The following LSAMP variants were observed in gnomAD, a reference collection of about 807,000 sequenced individuals.
The protein encoded by LSAMP is limbic system associated membrane protein.
Under a neutral mutation model 38.6 loss-of-function variants are expected in LSAMP, and 7 were observed. That is an observed-to-expected ratio of 0.18 (90% CI 0.10 to 0.34). The LOEUF (loss-of-function observed/expected upper bound fraction) is 0.34. LSAMP is among the 10% of genes least tolerant of loss of function. LSAMP has a pLI of 1.00. For missense variants in LSAMP, 313 were observed against 420.0 expected, an observed-to-expected ratio of 0.75 and a Z score of 2.23; for synonymous variants, 154 against 166.8, an observed-to-expected ratio of 0.92 and a Z score of 0.59.
At chr3:116,257,139 G>A (rs997885806) in intron 1 of LSAMP, among the ~76,000 whole-genome samples, 1 of 152,146 alleles carries the variant, frequency 6.6e-6, no homozygotes, top group Admixed American at 6.5e-5. Flanking sequence ...ATGCCCTTCA[G>A]CCTTAGATCT....
intron 1 of LSAMP, among the ~76,000 whole-genome samples, chr3:116,244,747 T>C (rs1439942625): frequency 6.6e-6 from 1 of 152,234 alleles, no homozygotes; most frequent in East Asian, 1.9e-4. Context: ...ATTTATTTAT[T>C]GCTGACACAT....
chr3:116,133,148 G>A (rs907023672), intron 1 of LSAMP, among the ~76,000 whole-genome samples: 1 of 152,140 alleles, frequency 6.6e-6, no homozygotes, highest in South Asian at 2.1e-4. Context: ...GCTATAGGCA[G>A]GACAAAAGAT....
Position 116,036,011 on chromosome 3 carries a change from G to C in LSAMP, c.389-16371C>G, listed in dbSNP as rs111563888. Among the ~76,000 whole-genome samples the C allele has an allele frequency of 5.5e-3, 840 of 152,286 alleles. 3 individuals are homozygous for C. The highest frequency in any genetic ancestry group is 0.014 in the Middle Eastern group (4 of 294). On this transcript the variant is annotated intron_variant, in intron 2 of 6. Coordinates refer to ENST00000490035, the MANE Select transcript of LSAMP (RefSeq NM_002338.5). Reference sequence around the variant, plus strand: ...GTCACAGCGACTGTGGTGGATACACGATCAAGAAGGCATAGCTGCTACGTA... The same window carrying C: ...GTCACAGCGACTGTGGTGGATACACCATCAAGAAGGCATAGCTGCTACGTA...
chr3:115,962,397 T>C (rs1471530051), intron 3 of LSAMP, among the ~76,000 whole-genome samples: 1 of 152,188 alleles, frequency 6.6e-6, no homozygotes, highest in African/African-American at 2.4e-5. Flanking sequence ...TCTTTTATTA[T>C]ACAATTTGAG....
chr3:116,162,451 A>G (rs988906036), intron 1 of LSAMP, among the ~76,000 whole-genome samples: 1 of 152,140 alleles, frequency 6.6e-6, no homozygotes, highest in Non-Finnish European at 1.5e-5. Context: ...GACTCAGCAC[A>G]TACATTTGTT....
At chr3:115,962,499 C>T (rs1400594727) in intron 3 of LSAMP, among the ~76,000 whole-genome samples, 1 of 152,178 alleles carries the variant, frequency 6.6e-6, no homozygotes, top group Admixed American at 6.5e-5. Context: ...TGATCAATTA[C>T]TACCTTGTAA....
chr3:116,122,318 G>A (rs902442927), intron 1 of LSAMP, among the ~76,000 whole-genome samples: 21 of 152,014 alleles, frequency 1.4e-4, no homozygotes, highest in Non-Finnish European at 2.4e-4. Context: ...TGTTGATGAT[G>A]GTAATTACCA....
intron 2 of LSAMP, among the ~76,000 whole-genome samples, chr3:116,072,562 TAA>T (rs1707633575): frequency 6.6e-6 from 1 of 152,170 alleles, no homozygotes; most frequent in Non-Finnish European, 1.5e-5. Context: ...TAGCATCTGT[TAA>T]GTTTCTTAAC....
At chr3:115,887,340 CT>C (rs1170337429) in intron 3 of LSAMP, among the ~76,000 whole-genome samples, 1 of 151,684 alleles carries the variant, frequency 6.6e-6, no homozygotes, top group Non-Finnish European at 1.5e-5. Context: ...GTAAGAACAG[CT>C]GTAATTTTTA....
At chr3:116,048,422 G>A (rs1024342062) in intron 2 of LSAMP, among the ~76,000 whole-genome samples, 1 of 152,164 alleles carries the variant, frequency 6.6e-6, no homozygotes, top group Non-Finnish European at 1.5e-5. Flanking sequence ...GAAATATAGT[G>A]CATTAAAGTG....
chr3:116,387,903 C>G (rs1172288975), intron 1 of LSAMP, among the ~76,000 whole-genome samples: 1 of 151,528 alleles, frequency 6.6e-6, no homozygotes, highest in Non-Finnish European at 1.5e-5. Flanking sequence ...ACCATCCTGG[C>G]TAACACGGTG....
At chr3:116,352,653 C>T (rs111381684) in intron 1 of LSAMP, among the ~76,000 whole-genome samples, 4,516 of 152,174 alleles carry the variant, frequency 0.03, 93 homozygotes, top group South Asian at 0.081. Flanking sequence ...CAAAGTAAAA[C>T]ATTCAAATAA....
intron 1 of LSAMP, among the ~76,000 whole-genome samples, chr3:116,215,702 C>T (rs2107611134): frequency 6.6e-6 from 1 of 152,192 alleles, no homozygotes; most frequent in African/African-American, 2.4e-5. Flanking sequence ...GAGAAGACTC[C>T]TTGAGTTGAT....
At chr3:116,392,837 T>C (rs987061030) in intron 1 of LSAMP, among the ~76,000 whole-genome samples, 1 of 152,128 alleles carries the variant, frequency 6.6e-6, no homozygotes, top group African/African-American at 2.4e-5. Flanking sequence ...AATGGGGAGA[T>C]GACGGGATGA....
At chr3:116,315,380 C>T (rs1210117761) in intron 1 of LSAMP, among the ~76,000 whole-genome samples, 2 of 152,090 alleles carry the variant, frequency 1.3e-5, no homozygotes, top group Non-Finnish European at 2.9e-5. Flanking sequence ...AGACCCACAG[C>T]ATGTGGCACA....
chr3:115,864,282 T>C (rs1162263774), intron 3 of LSAMP, among the ~76,000 whole-genome samples: 2 of 152,198 alleles, frequency 1.3e-5, no homozygotes, highest in Non-Finnish European at 2.9e-5. Context: ...TCTTTGATCC[T>C]TGTTACTGGC....
At chr3:116,201,495 A>G (rs1576428128) in intron 1 of LSAMP, among the ~76,000 whole-genome samples, 1 of 152,192 alleles carries the variant, frequency 6.6e-6, no homozygotes, top group South Asian at 2.1e-4. Flanking sequence ...AGAGTGCCCC[A>G]GTCGCCACAG....
At position 115,941,084 on chromosome 3, in the gene LSAMP, G is replaced by C. The variant is rs1263486324; in HGVS notation, c.514+78431C>G. On this transcript the variant is annotated intron_variant, in intron 3 of 6. Coordinates refer to ENST00000490035, the MANE Select transcript of LSAMP (RefSeq NM_002338.5). ...TATAAGGAACTCATACAACTCAATA[G>C]CAAAAACTCAAATGACCCAATTAAG... Among the ~76,000 whole-genome samples the C allele has an allele frequency of 2.0e-5, 3 of 152,048 alleles. No individual in the cohort carries two copies. The South Asian group carries it at 6.2e-4, about 32-fold the overall frequency.
chr3:116,325,014 A>T (rs982953808), intron 1 of LSAMP, among the ~76,000 whole-genome samples: 6 of 151,866 alleles, frequency 4.0e-5, no homozygotes, highest in Non-Finnish European at 8.8e-5. Context: ...TCTTTAAAAA[A>T]TTTTTGTTTA....
Sources: allele counts gnomAD v4.1 joint callset (sites outside exome capture counted in the v4.1 genomes callset), GRCh38; gene constraint gnomAD v4.1.1; transcripts MANE v1.5; gene names NCBI Gene and HGNC (gene_info 2026-07-23, HGNC 2026-07-21).